Variants in PLEKHG5 observed in about 807,000 individuals in gnomAD.
PLEKHG5 encodes the protein pleckstrin homology domain-containing family G member 5.
Under a neutral mutation model 103.8 loss-of-function variants are expected in PLEKHG5, and 52 were observed. The observed-to-expected ratio is 0.50, with a 90% CI of 0.40 to 0.63. The LOEUF (loss-of-function observed/expected upper bound fraction) is 0.63. Ranked by LOEUF, PLEKHG5 falls within the 30% of genes least tolerant of loss-of-function variation. The pLI, the probability that PLEKHG5 is intolerant of heterozygous loss-of-function variation, is 0.00. For missense variants in PLEKHG5, 1,205 were observed against 1,347.6 expected, an observed-to-expected ratio of 0.89 and a Z score of 1.66; for synonymous variants, 592 against 575.5, an observed-to-expected ratio of 1.03 and a Z score of -0.41.
rs916325863 is a variant in PLEKHG5, at chr1:6,467,623, G to A, written c.3012-51C>T. ...CCTTCTTTGGCTGACGCCATTCAGA[G>A]TGGCTCTGGTCACCCTCTCTTCCCC... On this transcript the variant is annotated intron_variant, in intron 20 of 20. Coordinates refer to ENST00000377728, the MANE Select transcript of PLEKHG5 (RefSeq NM_020631.6). 4 of 1,596,298 alleles carry A rather than the reference G, an allele frequency of 2.5e-6. No individual in the cohort carries two copies. In the African/African-American group the frequency reaches 4.0e-5, roughly 16 times the overall value.
intron 3 of PLEKHG5, 125 bp from the exon 4 acceptor site, chr1:6,475,647 C>T: frequency 1.2e-6 from 1 of 867,058 alleles, no homozygotes; most frequent in Non-Finnish European, 1.9e-6. Context: ...CGCGTGGATT[C>T]AACCCGGCCA....
At chr1:6,485,502 T>C in intron 1 of PLEKHG5, 2 of 1,236,034 alleles carry the variant, frequency 1.6e-6, no homozygotes, top group African/African-American at 3.1e-5. Context: ...GAGCCCCGCT[T>C]CCTGCCATTG....
At chr1:6,483,600 G>A (rs1160707023) in intron 1 of PLEKHG5, among the ~76,000 whole-genome samples, 4 of 152,278 alleles carry the variant, frequency 2.6e-5, no homozygotes, top group East Asian at 3.9e-4. Flanking sequence ...AGGAGGTTGA[G>A]GCTGCAGTGA....
chr1:6,469,283 A>G, intron 18 of PLEKHG5, 42 bp from the exon 19 acceptor site: 6 of 1,613,438 alleles, frequency 3.7e-6, no homozygotes, highest in Non-Finnish European at 5.1e-6. Flanking sequence ...ATGGGTTGTG[A>G]CCAGCATCTC....
In PLEKHG5 at chr1:6,470,896, G is replaced by A. The variant is rs773999080; in HGVS notation, c.1393-12C>T. On this transcript the variant is annotated splice_polypyrimidine_tract_variant and intron_variant, in intron 13 of 20. Coordinates refer to ENST00000377728, the MANE Select transcript of PLEKHG5 (RefSeq NM_020631.6). ...TGCTTCTCCGCCCACTGCGGTGGGG[G>A]AGTGGGGGCGGGCTCAGGGCAGGCC... The A allele has an allele frequency of 2.1e-6, 3 of 1,408,874 alleles. No homozygotes were observed. Among genetic ancestry groups the A allele is most frequent in the Non-Finnish European group, 2.8e-6 (3 of 1,084,602 alleles). The allele number at this position is 1,408,874 out of a possible 1,614,324, so 87.3% of individuals were successfully genotyped here.
rs1244225147 is a variant in PLEKHG5, at chr1:6,490,888, G to T, written c.-88+749C>A. Among the ~76,000 whole-genome samples the T allele has an allele frequency of 6.6e-6, 1 of 152,174 alleles. No individual in the cohort carries two copies. Among genetic ancestry groups the T allele is most frequent in the Non-Finnish European group, 1.5e-5 (1 of 68,032 alleles). On this transcript the variant is annotated intron_variant, in intron 1 of 20. Transcript: ENST00000377728. The surrounding 1 kb of genome is among the most constrained non-coding windows in gnomAD (Gnocchi z 8.0). ...AGACGGGAGCTCGCCCATCCCGGAAGGGGGCTAGGGGGGACCAGGGCCCGC... is the reference window on the plus strand; with the variant it reads ...AGACGGGAGCTCGCCCATCCCGGAATGGGGCTAGGGGGGACCAGGGCCCGC...
upstream of PLEKHG5, among the ~76,000 whole-genome samples, chr1:6,500,628 T>C (rs1306882064): frequency 4.3e-5 from 2 of 46,582 alleles, no homozygotes; most frequent in African/African-American, 9.0e-5. Flanking sequence ...AACTACCCCC[T>C]CCGCTAAGCA....
chr1:6,512,328 C>T (rs766288627), intron 1 of PLEKHG5, among the ~76,000 whole-genome samples: 1 of 152,202 alleles, frequency 6.6e-6, no homozygotes, highest in Non-Finnish European at 1.5e-5. Context: ...CCTGAGGCCA[C>T]GTGAGCTCAA....
At chr1:6,511,700 C>T (rs927414768) in intron 1 of PLEKHG5, among the ~76,000 whole-genome samples, 4 of 152,242 alleles carry the variant, frequency 2.6e-5, no homozygotes, top group South Asian at 2.1e-4. Flanking sequence ...AGGACTGGGC[C>T]GGCAGAGCCA....
chr1:6,497,300 G>C (rs1645241573), upstream of PLEKHG5: 1 of 1,072,464 alleles, frequency 9.3e-7, no homozygotes, highest in Non-Finnish European at 1.3e-6. The surrounding 1 kb of genome is among the most constrained non-coding windows in gnomAD (Gnocchi z 6.1). Flanking sequence ...CGCGTCCGCC[G>C]GGTCCCCGCC....
intron 1 of PLEKHG5, among the ~76,000 whole-genome samples, chr1:6,516,828 ATATG>A (rs1198545971): frequency 7.0e-6 from 1 of 142,722 alleles, no homozygotes; most frequent in Admixed American, 7.2e-5. Flanking sequence ...ATATGTGTAT[ATATG>A]TGTGTGTATA....
chr1:6,492,671 C>T (rs1297561895), upstream of PLEKHG5, among the ~76,000 whole-genome samples: 2 of 152,196 alleles, frequency 1.3e-5, no homozygotes, highest in African/African-American at 4.8e-5. Context: ...TTAATCCTCG[C>T]TGCCGGGTTA....
At chr1:6,485,376 C>T in intron 1 of PLEKHG5, 2 of 1,414,212 alleles carry the variant, frequency 1.4e-6, no homozygotes, top group South Asian at 1.5e-5. Context: ...CTCCGAGTCC[C>T]GGAGGGGCAG....
intron 12 of PLEKHG5, 39 bp from the exon 13 acceptor site, chr1:6,471,139 G>GC (rs1644572806): frequency 1.3e-6 from 2 of 1,501,256 alleles, no homozygotes; most frequent in Non-Finnish European, 9.1e-7. Flanking sequence ...CGGTTACCGC[G>GC]CGCTCCCTGC....
At chr1:6,496,349 T>G (rs1456632091), upstream of PLEKHG5, 6 of 588,478 alleles carry the variant, frequency 1.0e-5, no homozygotes, top group Non-Finnish European at 1.2e-5. Context: ...CCAGACACAC[T>G]GTGGCCCCAC....
At chr1:6,483,882 C>T (rs1644960684) in intron 1 of PLEKHG5, among the ~76,000 whole-genome samples, 2 of 152,220 alleles carry the variant, frequency 1.3e-5, no homozygotes, top group African/African-American at 4.8e-5. Flanking sequence ...CTGCGGGCTC[C>T]GCAGCCCTCT....
intron 1 of PLEKHG5, among the ~76,000 whole-genome samples, chr1:6,517,338 C>A (rs957078475): frequency 6.6e-6 from 1 of 150,828 alleles, no homozygotes; most frequent in Non-Finnish European, 1.5e-5. Context: ...TACAACCAAG[C>A]ATATGCTGAG....
intron 1 of PLEKHG5, among the ~76,000 whole-genome samples, chr1:6,515,331 TC>T (rs1204170490): frequency 1.3e-5 from 2 of 151,766 alleles, no homozygotes; most frequent in Non-Finnish European, 2.9e-5. Flanking sequence ...ATTGAGACCA[TC>T]CTGGCTAACA....
chr1:6,508,491 G>T lies in PLEKHG5; in HGVS notation c.-165+10954C>A, dbSNP rs771051894. 2.2e-4 allele frequency among the ~76,000 whole-genome samples: 33 copies of T among 152,232 alleles called. No homozygotes were observed. In the Middle Eastern group the frequency reaches 0.014, roughly 63 times the overall value. On this transcript the variant is annotated intron_variant, in intron 1 of 21. Coordinates refer to the PLEKHG5 transcript ENST00000377740. ...AGGCAGCCCCAGTGGGTCAGGGGAG[G>T]CCCCCCCAGGCCAGTGAAGCGGACC... is the stretch of plus-strand genomic sequence containing the variant.
Sources: allele counts gnomAD v4.1 joint callset (sites outside exome capture counted in the v4.1 genomes callset), GRCh38; gene constraint gnomAD v4.1.1; non-coding constraint Gnocchi (gnomAD v3.1); transcripts MANE v1.5; gene names NCBI Gene and HGNC (gene_info 2026-07-23, HGNC 2026-07-21).